RASGRP3: variants seen among roughly 807,000 people sequenced by gnomAD.
RASGRP3 encodes the protein ras guanyl-releasing protein 3.
Under a neutral mutation model 82.7 loss-of-function variants are expected in RASGRP3, and 54 were observed. That is an observed-to-expected ratio of 0.65 (90% CI 0.52 to 0.82). The LOEUF is 0.82. RASGRP3 is among the 40% of genes least tolerant of loss of function. The pLI is 0.00. For missense variants in RASGRP3, 861 were observed against 828.9 expected (o/e 1.04, Z -0.48); for synonymous variants, 309 against 300.5 (o/e 1.03, Z -0.29).
At chr2:33,518,948 A>C (rs1262358436) in intron 4 of RASGRP3, among the ~76,000 whole-genome samples, 4 of 152,198 alleles carry the variant, frequency 2.6e-5, no homozygotes. Context: ...GCTGTTTTAC[A>C]GTTAACTTTT....
At chr2:33,531,205 G>T (rs768120710) in intron 10 of RASGRP3, among the ~76,000 whole-genome samples, 2 of 152,178 alleles carry the variant, frequency 1.3e-5, no homozygotes, top group Non-Finnish European at 2.9e-5. Flanking sequence ...TTTGCTGAAA[G>T]GATAGGTTGG....
At chr2:33,505,490 C>T (rs963109170) in intron 1 of RASGRP3, among the ~76,000 whole-genome samples, 10 of 151,856 alleles carry the variant, frequency 6.6e-5, no homozygotes, top group South Asian at 2.1e-4. Context: ...TTAGTAGAGA[C>T]GGGGTTTCTC....
chr2:33,454,304 A>G (rs1401092037), intron 2 of RASGRP3, among the ~76,000 whole-genome samples: 10 of 152,244 alleles, frequency 6.6e-5, no homozygotes, highest in African/African-American at 2.4e-4. Flanking sequence ...GATATGACAC[A>G]TCAATGCATC....
intron 1 of RASGRP3, among the ~76,000 whole-genome samples, chr2:33,491,604 A>G (rs1389086215): frequency 6.6e-6 from 1 of 152,100 alleles, no homozygotes; most frequent in African/African-American, 2.4e-5. Flanking sequence ...TAGAGATTGC[A>G]TGTATTATCA....
chr2:33,529,221 G>T (rs149082196), intron 10 of RASGRP3, among the ~76,000 whole-genome samples: 1 of 152,220 alleles, frequency 6.6e-6, no homozygotes, highest in East Asian at 1.9e-4. Flanking sequence ...CTGGCTGGGC[G>T]TGGTGGCTCA....
chr2:33,523,186 A>G (rs1672192701), intron 7 of RASGRP3, among the ~76,000 whole-genome samples: 2 of 152,086 alleles, frequency 1.3e-5, no homozygotes, highest in Admixed American at 6.6e-5. Flanking sequence ...AAAAATGGAG[A>G]TTCTTGGCCG....
At chr2:33,495,917 T>G (rs1165458728) in intron 1 of RASGRP3, among the ~76,000 whole-genome samples, 1 of 152,190 alleles carries the variant, frequency 6.6e-6, no homozygotes, top group African/African-American at 2.4e-5. Flanking sequence ...GCTGCTCAGC[T>G]CCATCCAAAT....
At chr2:33,491,478 T>G (rs1378954690) in intron 1 of RASGRP3, among the ~76,000 whole-genome samples, 4 of 152,188 alleles carry the variant, frequency 2.6e-5, no homozygotes, top group South Asian at 4.1e-4. Context: ...TATTTATTTA[T>G]AACATAGAAA....
intron 12 of RASGRP3, chr2:33,539,428 C>G: frequency 2.2e-6 from 1 of 453,776 alleles, no homozygotes; most frequent in Non-Finnish European, 4.0e-6. Context: ...CCCAGATACT[C>G]TCAGCTACTT....
intron 9 of RASGRP3, among the ~76,000 whole-genome samples, chr2:33,525,764 C>G (rs1672499029): frequency 6.8e-6 from 1 of 146,418 alleles, no homozygotes; most frequent in Non-Finnish European, 1.5e-5. Context: ...GTAGTCCCAG[C>G]TATTTGGGAG....
At chr2:33,447,602 AT>A (rs1468009547) in intron 1 of RASGRP3, among the ~76,000 whole-genome samples, 3 of 151,928 alleles carry the variant, frequency 2.0e-5, no homozygotes, top group African/African-American at 7.3e-5. Context: ...TGCCTGGCTA[AT>A]TTTTTGTGTT....
At chr2:33,496,426 T>G (rs1669318247) in intron 1 of RASGRP3, among the ~76,000 whole-genome samples, 1 of 152,246 alleles carries the variant, frequency 6.6e-6, no homozygotes, top group African/African-American at 2.4e-5. Context: ...GCTTATGGCA[T>G]CTATAGTCAT....
intron 2 of RASGRP3, among the ~76,000 whole-genome samples, chr2:33,464,110 A>AATAATTATT (rs1398514920): frequency 1.8e-3 from 263 of 144,256 alleles, no homozygotes; most frequent in African/African-American, 6.4e-3. Flanking sequence ...TAATAATAAT[A>AATAATTATT]ATTATTATTA....
chr2:33,477,071 C>T (rs1340454775), intron 1 of RASGRP3, among the ~76,000 whole-genome samples: 2 of 151,990 alleles, frequency 1.3e-5, no homozygotes, highest in Non-Finnish European at 2.9e-5. Flanking sequence ...GAAGTAGAGA[C>T]TTCATTGAAG....
At chr2:33,524,617 C>T in intron 9 of RASGRP3, 69 bp downstream of exon 9, 3 of 1,174,704 alleles carry the variant, frequency 2.6e-6, no homozygotes, top group Non-Finnish European at 3.6e-6. Flanking sequence ...TTAGTATACG[C>T]CTAACAAATG....
intron 10 of RASGRP3, chr2:33,531,761 A>T (rs1452531639): frequency 6.6e-6 from 1 of 152,238 alleles, no homozygotes; most frequent in Admixed American, 6.5e-5. Context: ...ACACATGGAA[A>T]TACCCAAGGG....
At chr2:33,479,534 G>A (rs1263741253) in intron 1 of RASGRP3, among the ~76,000 whole-genome samples, 3 of 152,254 alleles carry the variant, frequency 2.0e-5, no homozygotes, top group East Asian at 3.9e-4. Context: ...TAGAAACCAT[G>A]CACTCTGCCA....
chr2:33,529,487 C>CAAAAAAAAA lies in RASGRP3; in HGVS notation c.1083+2080_1083+2088dup, dbSNP rs56664748. 2.5e-4 allele frequency among the ~76,000 whole-genome samples: 14 copies of CAAAAAAAAA among 57,044 alleles called. 3 individuals carry two copies. The highest frequency in any genetic ancestry group is 8.3e-4 in the African/African-American group (9 of 10,814). The allele number at this position is 57,044 out of a possible 152,430, so 37.4% of individuals were successfully genotyped here. On this transcript the variant is annotated intron_variant, in intron 10 of 17. Coordinates refer to ENST00000403687, the MANE Select transcript of RASGRP3 (RefSeq NM_001139488.2). ...TGGGCGACAGAGCGAGACTCCATCT[C>CAAAAAAAAA]AAAAAAAAAAAAATTCAGGAGTACA...
At chr2:33,464,706 G>A (rs1256361785) in intron 2 of RASGRP3, among the ~76,000 whole-genome samples, 1 of 151,964 alleles carries the variant, frequency 6.6e-6, no homozygotes, top group African/African-American at 2.4e-5. Flanking sequence ...CAAACTCTTG[G>A]GCCCCAGCAA....
Sources: allele counts gnomAD v4.1 joint callset (sites outside exome capture counted in the v4.1 genomes callset), GRCh38; gene constraint gnomAD v4.1.1; transcripts MANE v1.5; gene names NCBI Gene and HGNC (gene_info 2026-07-23, HGNC 2026-07-21).